Variants in KPNB1 observed in about 807,000 individuals in gnomAD.
KPNB1 encodes the protein importin subunit beta-1.
KPNB1 carries 7 observed loss-of-function variants against 113.0 expected under a neutral mutation model. That is an observed-to-expected ratio of 0.06 (90% CI 0.04 to 0.12). The LOEUF is 0.12. KPNB1 is among the 10% of genes least tolerant of loss of function. The pLI, the probability that KPNB1 is intolerant of heterozygous loss-of-function variation, is 1.00. For synonymous variants in KPNB1, 363 were observed against 378.6 expected (o/e 0.96, Z 0.48); for missense variants, 400 against 1,054.8 (o/e 0.38, Z 8.60).
In KPNB1 at chr17:47,658,618, C is replaced by G; in HGVS notation, c.594C>G (p.Leu198=). The change falls in exon 5 of 22, where the codon CTC becomes CTG. Residue 198 remains leucine, a synonymous_variant. Coordinates refer to ENST00000290158, the MANE Select transcript of KPNB1 (RefSeq NM_002265.6). ...NNVKLAATNA[L]LNSLEFTKAN... is the part of the protein sequence containing the mutation. ...TGAAGCTAGCTGCTACGAATGCACT[C>G]CTGAACTCATTGGAGTTCACCAAAG... is the stretch of plus-strand genomic sequence containing the variant. 1 of 1,613,902 alleles carries G rather than the reference C, an allele frequency of 6.2e-7. No homozygotes were observed. Among genetic ancestry groups the G allele is most frequent in the East Asian group, 2.2e-5 (1 of 44,874 alleles).
At chr17:47,662,559 G>A (rs1286749466) in intron 6 of KPNB1, among the ~76,000 whole-genome samples, 5 of 150,060 alleles carry the variant, frequency 3.3e-5, no homozygotes, top group Admixed American at 1.3e-4. Context: ...CAGGGCGACA[G>A]AGCAAGAAGA....
At position 47,650,188 on chromosome 17, in the gene KPNB1, C is replaced by A; in HGVS notation, c.-57C>A. 7.5e-7 allele frequency: 1 copy of A among 1,329,348 alleles called. No homozygotes were observed. Among genetic ancestry groups the A allele is most frequent in the South Asian group, 1.3e-5 (1 of 77,740 alleles). 82.3% of individuals were successfully genotyped at this position (1,329,348 alleles called of 1,614,324 possible). On this transcript the variant is annotated 5_prime_UTR_variant, in exon 1 of 22. Coordinates refer to ENST00000290158, the MANE Select transcript of KPNB1 (RefSeq NM_002265.6). ...AACCCCCATCCCCAGTTCGAGCCGC[C>A]GCCCGAAAGGCCGGGCCGTCGTCTT...
intron 6 of KPNB1, 60 bp downstream of exon 6, chr17:47,661,238 AAT>A (rs1429706917): frequency 1.6e-6 from 2 of 1,256,778 alleles, no homozygotes; most frequent in Non-Finnish European, 2.3e-6. Flanking sequence ...TGTCAAATCT[AAT>A]ATAAGTTTGA....
intron 9 of KPNB1, among the ~76,000 whole-genome samples, chr17:47,667,643 C>G (rs1432264325): frequency 6.6e-6 from 1 of 151,694 alleles, no homozygotes; most frequent in Non-Finnish European, 1.5e-5. Context: ...CTGCAACCTC[C>G]GCCTTCCAGG....
intron 9 of KPNB1, among the ~76,000 whole-genome samples, chr17:47,667,495 G>T (rs1158645667): frequency 1.3e-5 from 2 of 150,684 alleles, no homozygotes; most frequent in Non-Finnish European, 3.0e-5. Flanking sequence ...TTACTTTCCT[G>T]GTCTTTTATT....
At chr17:47,650,759 G>T (rs1915536204) in intron 2 of KPNB1, among the ~76,000 whole-genome samples, 1 of 152,314 alleles carries the variant, frequency 6.6e-6, no homozygotes, top group Non-Finnish European at 1.5e-5. Flanking sequence ...TAGGTTGCGC[G>T]GCGCTGCGTG....
intron 15 of KPNB1, among the ~76,000 whole-genome samples, chr17:47,675,394 T>TTTTTTTTTTTTTTTTG (rs2030586210): frequency 7.3e-6 from 1 of 137,686 alleles, no homozygotes. Context: ...TGTTTGTTTT[T>TTTTTTTTTTTTTTTTG]TTTTTGAGAC....
intron 21 of KPNB1, among the ~76,000 whole-genome samples, chr17:47,681,013 G>A (rs954743727): frequency 6.6e-6 from 1 of 151,762 alleles, no homozygotes; most frequent in Non-Finnish European, 1.5e-5. Flanking sequence ...GCTTTTAGAC[G>A]TTGCCTAGCT....
chr17:47,654,662 T>C (rs190336607), intron 3 of KPNB1, among the ~76,000 whole-genome samples: 7 of 152,330 alleles, frequency 4.6e-5, no homozygotes, highest in African/African-American at 2.4e-5. Context: ...AGAAAACTTT[T>C]AGTACTCAGG....
Position 47,684,291 on chromosome 17 carries a change from A to G in KPNB1, c.*1887A>G, listed in dbSNP as rs960774319. ...TAATAGCTCTTGTACAGGGTATCAG[A>G]TATTGTGCCTTTTGGTGCCAGGTTC... On this transcript the variant is annotated 3_prime_UTR_variant, in exon 22 of 22. Coordinates refer to ENST00000290158, the MANE Select transcript of KPNB1 (RefSeq NM_002265.6). 3 of 151,568 alleles carry G rather than the reference A, an allele frequency of 2.0e-5. No individual in the cohort carries two copies. The highest frequency in any genetic ancestry group is 4.4e-5 in the Non-Finnish European group (3 of 67,932). 9.4% of individuals were successfully genotyped at this position (151,568 alleles called of 1,614,324 possible).
chr17:47,654,439 T>C (rs1248205040), intron 3 of KPNB1, among the ~76,000 whole-genome samples: 2 of 148,718 alleles, frequency 1.3e-5, no homozygotes, highest in East Asian at 2.0e-4. Flanking sequence ...AAAAAAAAAT[T>C]AGATAATTTG....
chr17:47,659,826 G>A (rs1434184155), intron 5 of KPNB1, among the ~76,000 whole-genome samples: 2 of 151,926 alleles, frequency 1.3e-5, no homozygotes. Flanking sequence ...AGGATCACTT[G>A]AGCCTGGGAG....
At chr17:47,657,584 T>TA (rs1177638862) in intron 4 of KPNB1, among the ~76,000 whole-genome samples, 2 of 152,198 alleles carry the variant, frequency 1.3e-5, no homozygotes, top group Non-Finnish European at 2.9e-5. Flanking sequence ...GACCCAGACT[T>TA]AGACTCCCTA....
At chr17:47,655,810 T>A (rs1182319556) in intron 3 of KPNB1, among the ~76,000 whole-genome samples, 3 of 152,236 alleles carry the variant, frequency 2.0e-5, no homozygotes, top group South Asian at 2.1e-4. Flanking sequence ...CCTCCTCTTG[T>A]AACTTCTGGT....
chr17:47,682,045 GTT>G (rs980125044), intron 21 of KPNB1, among the ~76,000 whole-genome samples: 2 of 152,022 alleles, frequency 1.3e-5, no homozygotes, highest in African/African-American at 4.8e-5. Flanking sequence ...CCCAGGCTGG[GTT>G]TGAACTCCTG....
intron 10 of KPNB1, 90 bp from the exon 11 acceptor site, chr17:47,669,588 A>C: frequency 2.1e-6 from 2 of 934,316 alleles, no homozygotes; most frequent in Non-Finnish European, 3.3e-6. Flanking sequence ...TTTTGAGTTA[A>C]GCCATCCATC....
intron 15 of KPNB1, among the ~76,000 whole-genome samples, 178 bp downstream of exon 15, chr17:47,674,960 C>T (rs2030551413): frequency 6.6e-6 from 1 of 152,198 alleles, no homozygotes; most frequent in South Asian, 2.1e-4. Flanking sequence ...CTGGGACTAA[C>T]AGATGCACAC....
At chr17:47,652,022 A>G (rs1195048662) in intron 2 of KPNB1, among the ~76,000 whole-genome samples, 1 of 152,164 alleles carries the variant, frequency 6.6e-6, no homozygotes, top group Non-Finnish European at 1.5e-5. Context: ...CCCTATTTCT[A>G]AATATCTTAT....
chr17:47,681,874 C>T (rs1225343657), intron 21 of KPNB1, among the ~76,000 whole-genome samples: 1 of 151,934 alleles, frequency 6.6e-6, no homozygotes, highest in Non-Finnish European at 1.5e-5. Context: ...CCTCTGTCAC[C>T]CAGGCTGGAG....
Sources: gnomAD v4.1 joint callset for allele counts (sites outside exome capture counted in the v4.1 genomes callset) on GRCh38, gnomAD v4.1.1 for gene constraint, MANE v1.5 for transcripts, NCBI Gene and HGNC (gene_info 2026-07-23, HGNC 2026-07-21) for gene names.